PLXDC2: variants seen among roughly 807,000 people sequenced by gnomAD.
The protein encoded by PLXDC2 is plexin domain containing 2, also known as plexin domain-containing protein 2.
PLXDC2 carries 40 observed loss-of-function variants against 68.9 expected under a neutral mutation model. The observed-to-expected ratio is 0.58, with a 90% CI of 0.45 to 0.76. The LOEUF is 0.76. Ranked by LOEUF, PLXDC2 falls within the 30% of genes least tolerant of loss-of-function variation. The pLI is 0.00. For synonymous variants in PLXDC2, 243 were observed against 234.2 expected (o/e 1.04, Z -0.34); for missense variants, 644 against 661.9 (o/e 0.97, Z 0.30).
chr10:20,278,801 C>A (rs1836043141), intron 13 of PLXDC2, among the ~76,000 whole-genome samples: 1 of 152,120 alleles, frequency 6.6e-6, no homozygotes, highest in African/African-American at 2.4e-5. Context: ...AATGAACTTC[C>A]TTCAATATTT....
rs1489988560 is a variant in PLXDC2, at chr10:20,177,537, G to A, written c.1061+128G>A. On this transcript the variant is annotated intron_variant, in intron 9 of 13. Transcript: ENST00000377252. ...AATCCCAGCACTTTGAGAGAAAGTA[G>A]GAGGGATGCTTGAACCCAGGAGTTC... 9.1e-6 allele frequency: 3 copies of A among 329,520 alleles called. No individual in the cohort carries two copies. In the East Asian group the frequency reaches 2.0e-4, roughly 22 times the overall value. 20.4% of individuals were successfully genotyped at this position (329,520 alleles called of 1,614,324 possible). A position where few individuals can be genotyped will look rare whatever the true frequency, so the allele number is the denominator to read the frequency against.
intron 12 of PLXDC2, among the ~76,000 whole-genome samples, chr10:20,230,953 G>T: frequency 6.6e-6 from 1 of 150,412 alleles, no homozygotes; most frequent in African/African-American, 2.4e-5. Flanking sequence ...TACACTCTTT[G>T]ACTGCAAAAG....
chr10:20,242,346 T>C (rs1413879024), intron 12 of PLXDC2, among the ~76,000 whole-genome samples: 5 of 152,176 alleles, frequency 3.3e-5, no homozygotes, highest in African/African-American at 1.2e-4. Context: ...GATAATAACA[T>C]AATATCTCAA....
chr10:19,870,088 C>T (rs1031045607), intron 1 of PLXDC2, among the ~76,000 whole-genome samples: 13 of 152,144 alleles, frequency 8.5e-5, no homozygotes, highest in Non-Finnish European at 1.8e-4. Context: ...GTAAGGATTT[C>T]TTTGTAATGT....
At chr10:20,061,673 A>G (rs1836106771) in intron 3 of PLXDC2, among the ~76,000 whole-genome samples, 1 of 152,196 alleles carries the variant, frequency 6.6e-6, no homozygotes, top group Non-Finnish European at 1.5e-5. Flanking sequence ...ACTCTTGCTA[A>G]CTACAGGCAA....
rs1417974857 is a variant in PLXDC2, at chr10:20,283,811, T to C, written c.*3992T>C. 1 of 152,206 alleles carries C rather than the reference T, an allele frequency of 6.6e-6. No individual in the cohort carries two copies. The highest frequency in any genetic ancestry group is 2.4e-5 in the African/African-American group (1 of 41,452). 9.4% of individuals were successfully genotyped at this position (152,206 alleles called of 1,614,324 possible). The stretch of plus-strand genomic sequence containing the variant: ...CATATTTATTTTATCACTGTAACAC[T>C]AAGGAGCTATGGCATTAAAATATAA... On this transcript the variant is annotated 3_prime_UTR_variant, in exon 14 of 14. Coordinates refer to ENST00000377252, the MANE Select transcript of PLXDC2 (RefSeq NM_032812.9).
At chr10:19,904,248 G>A (rs1838205488) in intron 1 of PLXDC2, among the ~76,000 whole-genome samples, 1 of 152,110 alleles carries the variant, frequency 6.6e-6, no homozygotes, top group Non-Finnish European at 1.5e-5. Context: ...TTGACTTTCT[G>A]TCTTGATGAC....
At position 20,284,328 on chromosome 10, in the gene PLXDC2, T is replaced by TAC. The variant is rs1431895667; in HGVS notation, c.*4510_*4511insCA. 1.0e-4 allele frequency: 12 copies of TAC among 114,326 alleles called. 1 individual carries two copies. Among genetic ancestry groups the TAC allele is most frequent in the Non-Finnish European group, 1.8e-4 (10 of 56,268 alleles). The allele number at this position is 114,326 out of a possible 1,614,324, so 7.1% of individuals were successfully genotyped here. On this transcript the variant is annotated 3_prime_UTR_variant, in exon 14 of 14. Transcript: ENST00000377252. ...TCAAATATACATATATATATATATA[T>TAC]ATACACACACACACACACACACACA...
chr10:19,819,554 A>C (rs2131992223), intron 1 of PLXDC2, among the ~76,000 whole-genome samples: 1 of 152,384 alleles, frequency 6.6e-6, no homozygotes, highest in Non-Finnish European at 1.5e-5. Flanking sequence ...ATGTTGGCAC[A>C]GGAACAACAT....
chr10:20,109,417 T>C (rs1246558254), intron 4 of PLXDC2, among the ~76,000 whole-genome samples: 2 of 152,334 alleles, frequency 1.3e-5, no homozygotes, highest in East Asian at 1.9e-4. Flanking sequence ...ATATTAGATA[T>C]TTTTGTTACT....
chr10:19,865,259 T>C (rs973098822), intron 1 of PLXDC2, among the ~76,000 whole-genome samples: 1 of 152,192 alleles, frequency 6.6e-6, no homozygotes, highest in Admixed American at 6.5e-5. Flanking sequence ...CACAAGTGGC[T>C]TCTCTCCTGG....
At chr10:19,913,932 A>C (rs577935678) in intron 1 of PLXDC2, among the ~76,000 whole-genome samples, 1 of 152,266 alleles carries the variant, frequency 6.6e-6, no homozygotes, top group African/African-American at 2.4e-5. Flanking sequence ...ACACACACAC[A>C]GACAAACACA....
intron 12 of PLXDC2, among the ~76,000 whole-genome samples, chr10:20,223,376 G>A (rs556653319): frequency 1.0e-4 from 15 of 148,602 alleles, no homozygotes; most frequent in South Asian, 2.1e-4. Flanking sequence ...GCAGTGACGC[G>A]AACTTGGCTC....
At chr10:20,036,045 A>C (rs1380130598) in intron 2 of PLXDC2, among the ~76,000 whole-genome samples, 2 of 152,206 alleles carry the variant, frequency 1.3e-5, no homozygotes, top group Non-Finnish European at 2.9e-5. Context: ...TTAGTACTAG[A>C]AAATGACATG....
intron 1 of PLXDC2, among the ~76,000 whole-genome samples, chr10:19,924,890 A>G (rs1029007807): frequency 1.3e-5 from 2 of 152,144 alleles, no homozygotes; most frequent in African/African-American, 2.4e-5. Flanking sequence ...GGAAAATGGA[A>G]TTTCCTGGTG....
intron 13 of PLXDC2, among the ~76,000 whole-genome samples, chr10:20,261,021 C>T (rs763646624): frequency 1.3e-5 from 2 of 152,138 alleles, no homozygotes; most frequent in African/African-American, 2.4e-5. Context: ...CAAGTCCTTT[C>T]TCCATTTTTA....
chr10:20,037,119 A>G (rs1187308318), intron 2 of PLXDC2, among the ~76,000 whole-genome samples: 2 of 152,224 alleles, frequency 1.3e-5, no homozygotes, highest in Admixed American at 6.6e-5. Flanking sequence ...TATACAGACT[A>G]AAGCCTGAAA....
chr10:19,955,809 G>A (rs1435355091), intron 1 of PLXDC2, among the ~76,000 whole-genome samples: 1 of 152,184 alleles, frequency 6.6e-6, no homozygotes, highest in Non-Finnish European at 1.5e-5. Flanking sequence ...GCTGGGCGTG[G>A]TGGCTCACGC....
At position 19,994,923 on chromosome 10, in the gene PLXDC2, T is replaced by C. The variant is rs187902885; in HGVS notation, c.113-6852T>C. ...ACGCCTGGCTAATTTTTTGTATTTT[T>C]AGTAGAGACGGGGTTTCACCACGTT... On this transcript the variant is annotated intron_variant, in intron 1 of 13. Coordinates refer to ENST00000377252, the MANE Select transcript of PLXDC2 (RefSeq NM_032812.9). 4.4e-3 allele frequency among the ~76,000 whole-genome samples: 667 copies of C among 152,082 alleles called. 6 individuals are homozygous for C. The highest frequency in any genetic ancestry group is 0.015 in the African/African-American group (622 of 41,492).
Sources: gnomAD v4.1 joint callset for allele counts (sites outside exome capture counted in the v4.1 genomes callset) on GRCh38, gnomAD v4.1.1 for gene constraint, MANE v1.5 for transcripts, NCBI Gene and HGNC (gene_info 2026-07-23, HGNC 2026-07-21) for gene names.